Variants in LRIT3 observed in about 807,000 individuals in gnomAD.
LRIT3 encodes leucine rich repeat, Ig-like and transmembrane domains 3.
LRIT3 carries 14 observed loss-of-function variants against 22.6 expected under a neutral mutation model. That is an observed-to-expected ratio of 0.62 (90% CI 0.41 to 0.97). The LOEUF (loss-of-function observed/expected upper bound fraction) is 0.97. Among genes scored for constraint, LRIT3 ranks in the 50% least tolerant of loss-of-function variants. LRIT3 has a pLI of 0.00. For synonymous variants in LRIT3, 306 were observed against 304.5 expected (o/e 1.01, Z -0.05); for missense variants, 783 against 803.0 (o/e 0.98, Z 0.30).
chr4:109,867,864 T>C lies in LRIT3; in HGVS notation c.813T>C (p.Val271=), dbSNP rs1330274353. 1 of 1,614,080 alleles carries C rather than the reference T, an allele frequency of 6.2e-7. No homozygotes were observed. Among genetic ancestry groups the C allele is most frequent in the Non-Finnish European group, 8.5e-7 (1 of 1,179,986 alleles). ...TCATGTCTGCTCTGGGCAGTAATGT[T>C]CTACTGCGGTGTGATGCCACTGGCT... ...TKIMSALGSN[V]LLRCDATGFP... is the part of the protein sequence containing the mutation. The change falls in exon 3 of 4, where the codon GTT becomes GTC. Residue 271 remains valine, a synonymous_variant. Transcript: ENST00000594814.
chr4:109,854,550 T>C (rs1490794010), intron 2 of LRIT3, among the ~76,000 whole-genome samples: 1 of 152,200 alleles, frequency 6.6e-6, no homozygotes, highest in African/African-American at 2.4e-5. Flanking sequence ...TCTCTTCCTA[T>C]TTGAATACCC....
Position 109,855,855 on chromosome 4 carries a change from T to C in LRIT3, c.589+3879T>C, listed in dbSNP as rs549203036. On this transcript the variant is annotated intron_variant, in intron 2 of 3. Transcript: ENST00000594814. The stretch of plus-strand genomic sequence containing the variant: ...TTCCATGTAGTTGAGTGGTTTTGAG[T>C]GAGTTTCTTAATCCTGAGTTCTAGT... Among the ~76,000 whole-genome samples the C allele has an allele frequency of 4.6e-5, 7 of 152,238 alleles. No homozygotes were observed. In the South Asian group the frequency reaches 1.2e-3, roughly 27 times the overall value.
chr4:109,867,890 T>A lies in LRIT3; in HGVS notation c.839T>A (p.Phe280Tyr), dbSNP rs1579381543. 4.3e-6 allele frequency: 7 copies of A among 1,613,872 alleles called. No homozygotes were observed. The East Asian group carries it at 1.3e-4, about 31-fold the overall frequency. ...NVLLRCDATG[F>Y]PTPQITWTRS... ...CTACTGCGGTGTGATGCCACTGGCT[T>A]CCCCACCCCACAGATCACATGGACC... Residue 280 changes from phenylalanine (F) to tyrosine (Y), a missense_variant, in exon 3 of 4, where the codon TTC becomes TAC. Around this residue, in one of 2 missense-constraint regions of LRIT3, gnomAD observed 756 missense variants for 753.8 expected, o/e 1.00. Coordinates refer to ENST00000594814, the MANE Select transcript of LRIT3 (RefSeq NM_198506.5).
intron 2 of LRIT3, among the ~76,000 whole-genome samples, chr4:109,857,320 A>T (rs1195447059): frequency 7.0e-6 from 1 of 143,284 alleles, no homozygotes; most frequent in African/African-American, 2.5e-5. Flanking sequence ...GACATTAGCA[A>T]CAGGGGGGTA....
Position 109,867,701 on chromosome 4 carries a change from AG to A in LRIT3, c.652del (p.Val218SerfsTer6). On this transcript the variant is annotated frameshift_variant, in exon 3 of 4. Coordinates refer to ENST00000594814, the MANE Select transcript of LRIT3 (RefSeq NM_198506.5). LOFTEE classifies it high-confidence loss of function. Reference protein sequence around the residue: ...CHISKMIELSKVVDPAIVLLD... With the variant: ...CHISKMIELSXVVDPAIVLLD... ...ATTTCCAAAATGATTGAGTTGTCAA[AG>A]GTCGTTGACCCTGCTATAGTGCTTC... 6.2e-7 allele frequency: 1 copy of A among 1,614,192 alleles called. No homozygotes were observed. Among genetic ancestry groups the A allele is most frequent in the Non-Finnish European group, 8.5e-7 (1 of 1,179,996 alleles).
At chr4:109,855,625 T>A (rs1362206337) in intron 2 of LRIT3, among the ~76,000 whole-genome samples, 1 of 152,200 alleles carries the variant, frequency 6.6e-6, no homozygotes, top group East Asian at 1.9e-4. Flanking sequence ...CTTTTAATTG[T>A]GATGTTAGGG....
At chr4:109,855,639 C>CA (rs1381024712) in intron 2 of LRIT3, among the ~76,000 whole-genome samples, 2 of 152,100 alleles carry the variant, frequency 1.3e-5, no homozygotes, top group Non-Finnish European at 2.9e-5. Context: ...GTTAGGGTGT[C>CA]AATTTTAGAT....
At chr4:109,852,601 T>A (rs1028441649) in intron 2 of LRIT3, among the ~76,000 whole-genome samples, 23 of 151,958 alleles carry the variant, frequency 1.5e-4, no homozygotes, top group African/African-American at 3.1e-4. Flanking sequence ...TCTGGTTCTT[T>A]TTATTATTAT....
Position 109,870,168 on chromosome 4 carries a change from A to G in LRIT3, c.1419A>G (p.Ala473=). The G allele has an allele frequency of 6.2e-7, 1 of 1,614,228 alleles. No individual in the cohort carries two copies. ...GCACAAGTAAGAAAGAAGAGCTGGC[A>G]TTGTTGGATCAAACAATGCTTACGG... ...PASTSKKEEL[A]LLDQTMLTET... The change falls in exon 4 of 4, where the codon GCA becomes GCG. Residue 473 remains alanine (A), a synonymous_variant. Transcript: ENST00000594814.
rs367703682 is a variant in LRIT3, at chr4:109,870,192, G to A, written c.1443G>A (p.Thr481=). The A allele has an allele frequency of 1.9e-5, 31 of 1,614,094 alleles. No homozygotes were observed. In the African/African-American group the frequency reaches 2.3e-4, roughly 12 times the overall value. Residue 481 remains threonine (T), a synonymous_variant, in exon 4 of 4, where the codon ACG becomes ACA. Coordinates refer to ENST00000594814, the MANE Select transcript of LRIT3 (RefSeq NM_198506.5). The stretch of plus-strand genomic sequence containing the variant: ...CATTGTTGGATCAAACAATGCTTAC[G>A]GAGACAAATGCCGCAATAGAAAACC... ...ELALLDQTML[T]ETNAAIENLR...
At chr4:109,850,858 A>G (rs1463467924) in intron 1 of LRIT3, among the ~76,000 whole-genome samples, 1 of 152,174 alleles carries the variant, frequency 6.6e-6, no homozygotes, top group Admixed American at 6.5e-5. Context: ...GCTCAAGGTC[A>G]ACTCCTAATT....
rs756342282 is a variant in LRIT3 at position 109,870,470 on chromosome 4, T to C, written c.1721T>C (p.Val574Ala). 3.1e-6 allele frequency: 5 copies of C among 1,614,032 alleles called. No individual in the cohort carries two copies. The South Asian group carries it at 4.4e-5, about 14-fold the overall frequency. The change falls in exon 4 of 4, where the codon GTT (valine) becomes GCT (alanine). Residue 574 changes from valine (V) to alanine (A), a missense_variant. Transcript: ENST00000594814. ...TGCATCACCTTTTCTACTGAAAGAG[T>C]TGAAGGAGATGATTCTCAATGGTCT... ...DQCITFSTER[V>A]EGDDSQWSLL...
At chr4:109,865,797 T>C (rs1734663468) in intron 2 of LRIT3, among the ~76,000 whole-genome samples, 1 of 152,186 alleles carries the variant, frequency 6.6e-6, no homozygotes, top group African/African-American at 2.4e-5. Context: ...GAGGTTGTTA[T>C]TATAGATATC....
At chr4:109,860,907 T>TGA (rs1317148950) in intron 2 of LRIT3, among the ~76,000 whole-genome samples, 1 of 152,278 alleles carries the variant, frequency 6.6e-6, no homozygotes, top group Non-Finnish European at 1.5e-5. Flanking sequence ...ATTGTATGAA[T>TGA]GAAGCAATTG....
rs569773324 is a variant in LRIT3 at position 109,856,079 on chromosome 4, A to G, written c.589+4103A>G. Among the ~76,000 whole-genome samples, 41 of 152,230 alleles carry G rather than the reference A, an allele frequency of 2.7e-4. No homozygotes were observed. The South Asian group carries it at 8.5e-3, about 32-fold the overall frequency. ...GAACATCTGCTTTTCTGAGATAGGAATCTTGGTGATGTGAAACCTCCCTGA... is the reference window on the plus strand; with the variant it reads ...GAACATCTGCTTTTCTGAGATAGGAGTCTTGGTGATGTGAAACCTCCCTGA... On this transcript the variant is annotated intron_variant, in intron 2 of 3. Transcript: ENST00000594814.
In LRIT3 at chr4:109,851,523, A is replaced by G. The variant is rs200501695; in HGVS notation, c.136A>G (p.Met46Val). 91 of 1,545,088 alleles carry G rather than the reference A, an allele frequency of 5.9e-5. No homozygotes were observed. Among genetic ancestry groups the G allele is most frequent in the Non-Finnish European group, 7.5e-5 (86 of 1,143,006 alleles). ...CACTAGGTTGGTGCTATGTAATGAC[A>G]TGGATATGAACGAGCTGCCTACGAA... ...SGSRLVLCND[M>V]DMNELPTNLP... Residue 46 changes from methionine (M) to valine (V), a missense_variant, in exon 2 of 4, where the codon ATG (methionine) becomes GTG (valine). By Grantham distance (21) the Met-to-Val change is conservative. This residue lies in a region of LRIT3 where 756 missense variants were observed against 753.8 expected (regional missense o/e 1.00). Transcript: ENST00000594814.
rs1734771575 is a variant in LRIT3, at chr4:109,869,677, T to G, written c.928T>G (p.Trp310Gly). The change falls in exon 4 of 4, where the codon TGG (tryptophan) becomes GGG (glycine). Residue 310 changes from tryptophan (W) to glycine (G), a missense_variant. Trp to Gly is a radical substitution (Grantham distance 184). This residue lies in a region of LRIT3 where 756 missense variants were observed against 753.8 expected (regional missense o/e 1.00). Coordinates refer to ENST00000594814, the MANE Select transcript of LRIT3 (RefSeq NM_198506.5). ...AGAATCTCCAGAGGAAGGAGTCAGA[T>G]GGTCCATAATGAGCTTGACAGGCAT... The part of the protein sequence containing the change: ...IQESPEEGVR[W>G]SIMSLTGISS... The G allele has an allele frequency of 6.4e-7, 1 of 1,567,240 alleles. No homozygotes were observed.
chr4:109,869,564 A>G (rs1734767594), intron 3 of LRIT3, 81 bp from the exon 4 acceptor site: 3 of 1,337,892 alleles, frequency 2.2e-6, no homozygotes, highest in Non-Finnish European at 3.1e-6. Flanking sequence ...TGTAGAGTGG[A>G]TAGTTGTTTC....
intron 1 of LRIT3, among the ~76,000 whole-genome samples, chr4:109,850,364 T>G (rs1030449778): frequency 1.2e-3 from 1 of 824 alleles, no homozygotes; most frequent in Non-Finnish European, 6.8e-3. Flanking sequence ...TCTTCCTTCC[T>G]TCCTTCCTTC....
Sources: allele counts gnomAD v4.1 joint callset (sites outside exome capture counted in the v4.1 genomes callset), GRCh38; gene constraint gnomAD v4.1.1; regional missense constraint gnomAD v4.1.1; transcripts MANE v1.5; gene names NCBI Gene and HGNC (gene_info 2026-07-23, HGNC 2026-07-21).